The following DLGAP2 variants were observed in gnomAD, a reference collection of about 807,000 sequenced individuals.
The protein encoded by DLGAP2 is DLG associated protein 2.
A neutral mutation model predicts 100.3 loss-of-function variants in DLGAP2; 26 were observed. That is an observed-to-expected ratio of 0.26 (90% CI 0.19 to 0.36). DLGAP2 has a LOEUF of 0.36. DLGAP2 is among the 10% of genes least tolerant of loss of function. The pLI, the probability that DLGAP2 is intolerant of heterozygous loss-of-function variation, is 1.00. For missense variants in DLGAP2, 1,858 were observed against 1,453.2 expected, an observed-to-expected ratio of 1.28 and a Z score of -4.53; for synonymous variants, 886 against 630.1, an observed-to-expected ratio of 1.41 and a Z score of -6.08.
intron 6 of DLGAP2, among the ~76,000 whole-genome samples, chr8:1,579,766 C>T (rs758125601): frequency 6.6e-5 from 10 of 152,322 alleles, no homozygotes; most frequent in South Asian, 6.2e-4. Context: ...AATACAGCCA[C>T]GTTCACTATT....
chr8:1,200,717 C>G (rs551594693), intron 2 of DLGAP2, among the ~76,000 whole-genome samples: 7 of 151,696 alleles, frequency 4.6e-5, no homozygotes, highest in South Asian at 2.1e-4. Context: ...TTTAGAGACA[C>G]GTTGAAATCA....
chr8:1,271,776 G>A (rs1309861077), intron 3 of DLGAP2, among the ~76,000 whole-genome samples: 1 of 152,120 alleles, frequency 6.6e-6, no homozygotes, highest in Non-Finnish European at 1.5e-5. Context: ...AAATTCTGGA[G>A]ATCCAATTAG....
chr8:923,011 A>C (rs575308951), intron 2 of DLGAP2, among the ~76,000 whole-genome samples: 1 of 152,048 alleles, frequency 6.6e-6, no homozygotes, highest in African/African-American at 2.4e-5. Flanking sequence ...CATGGAGTGC[A>C]TTACTCTGTA....
intron 2 of DLGAP2, among the ~76,000 whole-genome samples, chr8:1,125,129 G>C (rs895106786): frequency 6.6e-6 from 1 of 152,162 alleles, no homozygotes; most frequent in African/African-American, 2.4e-5. Context: ...ATTTTCCCAA[G>C]ATTGACTTTA....
At chr8:793,260 C>T (rs951061893) in intron 1 of DLGAP2, among the ~76,000 whole-genome samples, 3 of 152,208 alleles carry the variant, frequency 2.0e-5, no homozygotes, top group Non-Finnish European at 4.4e-5. Context: ...TCTAATTTTA[C>T]GGAGCATTGG....
intron 3 of DLGAP2, among the ~76,000 whole-genome samples, chr8:1,477,732 C>T (rs769165078): frequency 6.6e-6 from 1 of 151,584 alleles, no homozygotes; most frequent in Non-Finnish European, 1.5e-5. Flanking sequence ...GGATTATTAT[C>T]GGTTCATAGA....
At chr8:1,013,115 C>A (rs911813626) in intron 2 of DLGAP2, among the ~76,000 whole-genome samples, 1 of 152,182 alleles carries the variant, frequency 6.6e-6, no homozygotes, top group African/African-American at 2.4e-5. Context: ...ATTATTATGT[C>A]TTTTCCCTGT....
At chr8:941,181 G>A (rs1799187854) in intron 2 of DLGAP2, among the ~76,000 whole-genome samples, 1 of 152,142 alleles carries the variant, frequency 6.6e-6, no homozygotes, top group South Asian at 2.1e-4. Context: ...TTTGTGGGGT[G>A]GAACTGGTCA....
chr8:1,065,918 C>T (rs958572451), intron 2 of DLGAP2, among the ~76,000 whole-genome samples: 2 of 152,220 alleles, frequency 1.3e-5, no homozygotes, highest in African/African-American at 4.8e-5. Context: ...GGAGAATGCT[C>T]TGGGCCTGAC....
At chr8:1,339,035 C>T (rs1366620009) in intron 3 of DLGAP2, among the ~76,000 whole-genome samples, 1 of 151,912 alleles carries the variant, frequency 6.6e-6, no homozygotes, top group Non-Finnish European at 1.5e-5. Context: ...GTGTCAGGAC[C>T]TGGCAGGGAA....
At chr8:739,516 C>T (rs1253356342) in intron 1 of DLGAP2, 1 of 152,254 alleles carries the variant, frequency 6.6e-6, no homozygotes. Flanking sequence ...CTGAGGTGAA[C>T]GCACCTTACA....
chr8:1,091,895 C>T (rs933868385), intron 2 of DLGAP2, among the ~76,000 whole-genome samples: 7 of 152,188 alleles, frequency 4.6e-5, no homozygotes, highest in Non-Finnish European at 8.8e-5. Flanking sequence ...TCTTCTCTAA[C>T]GCACAGCTCC....
chr8:1,595,881 TA>T (rs1796442795), intron 6 of DLGAP2, among the ~76,000 whole-genome samples: 1 of 138,440 alleles, frequency 7.2e-6, no homozygotes, highest in African/African-American at 2.5e-5. Context: ...TTAATTTTAT[TA>T]TTATTATACT....
chr8:1,225,099 C>G lies in DLGAP2; in HGVS notation c.74-33752C>G, dbSNP rs538301501. Among the ~76,000 whole-genome samples, 263 of 152,318 alleles carry G rather than the reference C, an allele frequency of 1.7e-3. 2 individuals are homozygous for G. Among genetic ancestry groups the G allele is most frequent in the African/African-American group, 5.1e-3 (213 of 41,560 alleles). On this transcript the variant is annotated intron_variant, in intron 2 of 14. Coordinates refer to ENST00000637795, the MANE Select transcript of DLGAP2 (RefSeq NM_001346810.2). Reference sequence around the variant, plus strand: ...CATCCTGCCTGTGTGCCCAAAAGAGCTGGAAATAGGTGCCCAAACCAGTGC... The same window carrying G: ...CATCCTGCCTGTGTGCCCAAAAGAGGTGGAAATAGGTGCCCAAACCAGTGC...
intron 2 of DLGAP2, among the ~76,000 whole-genome samples, chr8:1,159,163 A>T (rs1405991840): frequency 1.3e-5 from 2 of 152,342 alleles, no homozygotes; most frequent in East Asian, 3.9e-4. Context: ...TCTGATAAAA[A>T]ATACAGACAA....
At chr8:1,264,690 G>T (rs753108211) in intron 3 of DLGAP2, among the ~76,000 whole-genome samples, 13 of 152,070 alleles carry the variant, frequency 8.5e-5, no homozygotes, top group Non-Finnish European at 8.8e-5. Context: ...CTATAAAATA[G>T]TACCCACTTT....
At chr8:1,691,740 T>C in intron 13 of DLGAP2, 114 bp downstream of exon 13, 1 of 923,580 alleles carries the variant, frequency 1.1e-6, no homozygotes, top group Admixed American at 2.3e-5. Flanking sequence ...ATGCGGAATA[T>C]CACGTGCACT....
chr8:1,363,820 G>C (rs866265423), intron 3 of DLGAP2, among the ~76,000 whole-genome samples: 34 of 152,218 alleles, frequency 2.2e-4, no homozygotes, highest in South Asian at 1.0e-3. Context: ...GTGTGACAGA[G>C]CCCGGCTGCC....
chr8:1,207,208 G>A (rs1026126037), intron 2 of DLGAP2, among the ~76,000 whole-genome samples: 1 of 152,198 alleles, frequency 6.6e-6, no homozygotes, highest in Non-Finnish European at 1.5e-5. Flanking sequence ...TGTACCCAAC[G>A]TGTAGTCTTT....
Sources: gnomAD v4.1 joint callset for allele counts (sites outside exome capture counted in the v4.1 genomes callset) on GRCh38, gnomAD v4.1.1 for gene constraint, MANE v1.5 for transcripts, NCBI Gene and HGNC (gene_info 2026-07-23, HGNC 2026-07-21) for gene names.